FAM184B: variants seen among roughly 807,000 people sequenced by gnomAD.
FAM184B encodes the protein protein FAM184B.
Under a neutral mutation model 135.9 loss-of-function variants are expected in FAM184B, and 111 were observed. The ratio of observed to expected loss-of-function variants is 0.82; its 90% CI spans 0.70 to 0.96. The LOEUF (loss-of-function observed/expected upper bound fraction) is 0.96, where lower values mean the gene tolerates loss of function less well. Ranked by LOEUF, FAM184B falls within the 40% of genes least tolerant of loss-of-function variation. The probability of loss-of-function intolerance (pLI) is 0.00; values close to 1 mark genes in which losing one functional copy is unlikely to be tolerated. For synonymous variants in FAM184B, 552 were observed against 524.8 expected, an observed-to-expected ratio of 1.05 and a Z score of -0.71; for missense variants, 1,375 against 1,323.9, an observed-to-expected ratio of 1.04 and a Z score of -0.60.
In FAM184B at chr4:17,709,115, GTGGCCTGCAGCTCC is replaced by G. The variant is rs1220154306; in HGVS notation, c.657_670del (p.Glu219AspfsTer62). On this transcript the variant is annotated frameshift_variant, in exon 2 of 18. Transcript: ENST00000265018. LOFTEE classifies it high-confidence loss of function. ...GATGGCCTCGTTTTCCCTCTCGTAG[GTGGCCTGCAGCTCC>G]TCGGCCTTGCGGGCGTAGTCCTTGC... The G allele has an allele frequency of 1.9e-6, 3 of 1,549,092 alleles. No individual in the cohort carries two copies. In the African/African-American group the frequency reaches 4.1e-5, roughly 21 times the overall value.
At chr4:17,729,529 A>G (rs894488771) in intron 1 of FAM184B, among the ~76,000 whole-genome samples, 1 of 152,324 alleles carries the variant, frequency 6.6e-6, no homozygotes, top group East Asian at 1.9e-4. Flanking sequence ...TCACACGGCC[A>G]GGTACTCCTC....
At position 17,709,194 on chromosome 4, in the gene FAM184B, G is replaced by T. The variant is rs1717190845; in HGVS notation, c.592C>A (p.Leu198Ile). ...GQGPEMQEVL[L>I]EVQRLRVENQ... ...TCCACTCGCAGCCGCTGCACCTCTA[G>T]CAGGACCTCCTGCATCTCCGGGCCC... Residue 198 changes from leucine (L) to isoleucine (I), a missense_variant, in exon 2 of 18, where the codon CTA becomes ATA. Transcript: ENST00000265018. The T allele has an allele frequency of 1.3e-6, 2 of 1,548,132 alleles. No homozygotes were observed. The highest frequency in any genetic ancestry group is 2.7e-5 in the African/African-American group (2 of 73,022).
In FAM184B at chr4:17,687,268, C is replaced by A. The variant is rs1716610997; in HGVS notation, c.1596+1156G>T. 2.0e-5 allele frequency among the ~76,000 whole-genome samples: 3 copies of A among 152,128 alleles called. 1 individual carries two copies. In the South Asian group the frequency reaches 6.2e-4, roughly 32 times the overall value. ...CAGACTGACCCATGTAGTGTTTTCC[C>A]TCCTGGAGTTTGAAATGGCCTGAAA... On this transcript the variant is annotated intron_variant, in intron 7 of 17. Coordinates refer to ENST00000265018, the MANE Select transcript of FAM184B (RefSeq NM_015688.2).
At chr4:17,764,172 G>A (rs952020614) in intron 1 of FAM184B, among the ~76,000 whole-genome samples, 1 of 152,202 alleles carries the variant, frequency 6.6e-6, no homozygotes, top group African/African-American at 2.4e-5. Context: ...AATGCCAAGA[G>A]ACTGAACACA....
At chr4:17,703,177 C>T (rs566798215) in intron 5 of FAM184B, among the ~76,000 whole-genome samples, 1 of 152,112 alleles carries the variant, frequency 6.6e-6, no homozygotes, top group South Asian at 2.1e-4. Context: ...TATTATCACA[C>T]ATTATGTTAC....
At chr4:17,639,521 A>C (rs939723767) in intron 13 of FAM184B, 125 bp from the exon 14 acceptor site, 58 of 1,152,340 alleles carry the variant, frequency 5.0e-5, no homozygotes, top group Non-Finnish European at 6.9e-5. Context: ...ATTGTGATCT[A>C]AGGACACCTG....
intron 12 of FAM184B, among the ~76,000 whole-genome samples, 156 bp from the exon 13 acceptor site, chr4:17,642,384 T>C (rs1262041764): frequency 6.6e-6 from 1 of 152,166 alleles, no homozygotes; most frequent in Non-Finnish European, 1.5e-5. Context: ...GGGACTCCCA[T>C]CTAGTCTCTT....
intron 7 of FAM184B, among the ~76,000 whole-genome samples, chr4:17,685,212 A>AG (rs1017050878): frequency 2.6e-5 from 4 of 150,972 alleles, no homozygotes; most frequent in African/African-American, 9.8e-5. Context: ...AAAAAAAAAA[A>AG]AAAAAAGAAA....
intron 1 of FAM184B, among the ~76,000 whole-genome samples, chr4:17,711,073 C>G (rs1429555219): frequency 1.3e-5 from 2 of 152,078 alleles, no homozygotes; most frequent in African/African-American, 4.8e-5. Context: ...GAAGTTGAAG[C>G]CAGGCACAGT....
At chr4:17,726,179 G>A (rs564246237) in intron 1 of FAM184B, among the ~76,000 whole-genome samples, 210 of 152,054 alleles carry the variant, frequency 1.4e-3, no homozygotes, top group Admixed American at 2.3e-3. Flanking sequence ...CTGCCTCAGC[G>A]TCCCAAAGTG....
rs1161265551 is a variant in FAM184B at position 17,705,890 on chromosome 4, A to T, written c.1032T>A (p.Asp344Glu). ...LQECRGTQQT[D>E]AMKTELVSEN... ...CTGAAACTAACTCAGTCTTCATGGC[A>T]TCTGCAAGCATACATTTCAGCATTA... Residue 344 changes from aspartate (D) to glutamate (E), a missense_variant and splice_region_variant, in exon 4 of 18, where the codon GAT becomes GAA. Physicochemically the swap from Asp to Glu is conservative, Grantham distance 45. Transcript: ENST00000265018. The T allele has an allele frequency of 2.2e-5, 34 of 1,552,108 alleles. No homozygotes were observed. The highest frequency in any genetic ancestry group is 2.9e-5 in the Non-Finnish European group (33 of 1,147,122).
At chr4:17,640,856 C>G (rs985676536) in intron 13 of FAM184B, among the ~76,000 whole-genome samples, 1 of 152,146 alleles carries the variant, frequency 6.6e-6, no homozygotes, top group Non-Finnish European at 1.5e-5. Flanking sequence ...GCGTTTCATT[C>G]ATGCTAGGGA....
intron 1 of FAM184B, among the ~76,000 whole-genome samples, chr4:17,763,865 G>A (rs1718599145): frequency 6.6e-6 from 1 of 152,122 alleles, no homozygotes; most frequent in Non-Finnish European, 1.5e-5. Flanking sequence ...ACCCTGGCAG[G>A]AAAGTGAACG....
At chr4:17,645,094 A>C (rs1226294233) in intron 12 of FAM184B, among the ~76,000 whole-genome samples, 1 of 152,216 alleles carries the variant, frequency 6.6e-6, no homozygotes, top group African/African-American at 2.4e-5. Context: ...ATACAAACAA[A>C]TGGAAGAACA....
At chr4:17,636,743 G>T in intron 14 of FAM184B, 98 bp from the exon 15 acceptor site, 1 of 1,065,438 alleles carries the variant, frequency 9.4e-7, no homozygotes, top group African/African-American at 1.6e-5. Context: ...CCTGTGTTCA[G>T]CCCGGCCAGG....
chr4:17,772,304 C>T (rs1718835405), intron 1 of FAM184B, among the ~76,000 whole-genome samples: 1 of 152,064 alleles, frequency 6.6e-6, no homozygotes, highest in African/African-American at 2.4e-5. Flanking sequence ...ATCCTATACC[C>T]ATCACCTCCC....
intron 1 of FAM184B, among the ~76,000 whole-genome samples, chr4:17,748,421 T>A (rs1293459064): frequency 6.6e-6 from 1 of 151,796 alleles, no homozygotes; most frequent in Admixed American, 6.6e-5. Flanking sequence ...GACTCTTTGG[T>A]CCATTGATAT....
intron 1 of FAM184B, among the ~76,000 whole-genome samples, chr4:17,729,485 G>A (rs1165242656): frequency 6.6e-6 from 1 of 152,216 alleles, no homozygotes; most frequent in African/African-American, 2.4e-5. Flanking sequence ...CAGCCTAACT[G>A]GGAGGCACCC....
chr4:17,659,705 C>G (rs970864064), intron 9 of FAM184B, among the ~76,000 whole-genome samples: 4 of 152,064 alleles, frequency 2.6e-5, no homozygotes, highest in Non-Finnish European at 5.9e-5. Flanking sequence ...AGGCTGGTCT[C>G]GAACTCCTGA....
Sources: allele counts gnomAD v4.1 joint callset (sites outside exome capture counted in the v4.1 genomes callset), GRCh38; gene constraint gnomAD v4.1.1; transcripts MANE v1.5; gene names NCBI Gene and HGNC (gene_info 2026-07-23, HGNC 2026-07-21).